Variants in CDH13 observed in about 807,000 individuals in gnomAD.
CDH13 encodes cadherin 13.
Under a neutral mutation model 63.8 loss-of-function variants are expected in CDH13, and 24 were observed. The observed-to-expected ratio is 0.38, with a 90% CI of 0.27 to 0.53. CDH13 has a LOEUF of 0.53. Ranked by LOEUF, CDH13 falls within the 20% of genes least tolerant of loss-of-function variation. The pLI is 0.85. For synonymous variants in CDH13, 503 were observed against 355.3 expected (o/e 1.42, Z -4.67); for missense variants, 1,049 against 903.1 (o/e 1.16, Z -2.07).
chr16:83,084,875 C>G (rs1340768784), intron 3 of CDH13, among the ~76,000 whole-genome samples: 1 of 152,124 alleles, frequency 6.6e-6, no homozygotes, highest in Non-Finnish European at 1.5e-5. Flanking sequence ...GCAATAAGCA[C>G]AAAACTTCAT....
At chr16:83,701,265 G>C (rs1298599948) in intron 10 of CDH13, among the ~76,000 whole-genome samples, 1 of 152,196 alleles carries the variant, frequency 6.6e-6, no homozygotes, top group Non-Finnish European at 1.5e-5. Flanking sequence ...TTTAGGAACA[G>C]AAAAAGCAAG....
intron 2 of CDH13, among the ~76,000 whole-genome samples, chr16:82,890,607 A>G (rs1597150586): frequency 6.6e-6 from 1 of 151,734 alleles, no homozygotes; most frequent in African/African-American, 2.4e-5. Flanking sequence ...TTGTTGTCCT[A>G]CATAGTCTTC....
At chr16:82,846,132 G>A (rs972532744) in intron 1 of CDH13, among the ~76,000 whole-genome samples, 2 of 152,154 alleles carry the variant, frequency 1.3e-5, no homozygotes, top group African/African-American at 4.8e-5. Context: ...TCTTGAACTG[G>A]CATGCTATGG....
rs1418413395 is a variant in CDH13 at position 83,252,569 on chromosome 16, A to G, written c.636+35072A>G. On this transcript the variant is annotated intron_variant, in intron 5 of 13. Coordinates refer to ENST00000567109, the MANE Select transcript of CDH13 (RefSeq NM_001257.5). Reference sequence around the variant, plus strand: ...GGGGGCTTAGGCTGAGCCAAGTGACATGTTGCAAGCAGTTGTATGATGTCA... The same window carrying G: ...GGGGGCTTAGGCTGAGCCAAGTGACGTGTTGCAAGCAGTTGTATGATGTCA... 3.3e-5 allele frequency among the ~76,000 whole-genome samples: 5 copies of G among 152,244 alleles called. No individual in the cohort carries two copies. The East Asian group carries it at 9.7e-4, about 29-fold the overall frequency.
chr16:83,790,810 G>C (rs891714074), intron 13 of CDH13, among the ~76,000 whole-genome samples: 17 of 152,316 alleles, frequency 1.1e-4, no homozygotes, highest in African/African-American at 3.6e-4. Context: ...AGCTGTTTCT[G>C]TGGTTTTTCT....
At chr16:83,006,707 C>A (rs915061280) in intron 2 of CDH13, among the ~76,000 whole-genome samples, 1 of 152,140 alleles carries the variant, frequency 6.6e-6, no homozygotes, top group Admixed American at 6.5e-5. Flanking sequence ...GGAGCCCTTA[C>A]TGATGTTTAA....
intron 1 of CDH13, among the ~76,000 whole-genome samples, chr16:82,836,256 C>T (rs2038763347): frequency 6.6e-6 from 1 of 152,128 alleles, no homozygotes; most frequent in Non-Finnish European, 1.5e-5. Flanking sequence ...TCAAGCGATT[C>T]TCCTCCCTTA....
At chr16:83,762,146 T>G (rs1348719827) in intron 11 of CDH13, among the ~76,000 whole-genome samples, 1 of 152,242 alleles carries the variant, frequency 6.6e-6, no homozygotes, top group Non-Finnish European at 1.5e-5. Context: ...GAAATGCTTT[T>G]GTTTTGCTAC....
At chr16:83,309,564 A>T (rs951234966) in intron 5 of CDH13, among the ~76,000 whole-genome samples, 3 of 151,886 alleles carry the variant, frequency 2.0e-5, no homozygotes, top group Non-Finnish European at 4.4e-5. Flanking sequence ...TTTAGTGAAG[A>T]TGGGGTTTCA....
intron 4 of CDH13, among the ~76,000 whole-genome samples, chr16:83,195,486 G>A (rs532349980): frequency 1.3e-5 from 2 of 152,182 alleles, no homozygotes; most frequent in South Asian, 4.2e-4. Flanking sequence ...TACAGGGCAG[G>A]AGCAGGACCA....
At chr16:82,999,015 C>T (rs1052250792) in intron 2 of CDH13, among the ~76,000 whole-genome samples, 3 of 152,090 alleles carry the variant, frequency 2.0e-5, no homozygotes, top group Admixed American at 6.6e-5. Flanking sequence ...CAAGAACATC[C>T]CTTCAGACAC....
chr16:83,148,216 A>T (rs1279833742), intron 4 of CDH13, among the ~76,000 whole-genome samples: 1 of 152,126 alleles, frequency 6.6e-6, no homozygotes, highest in Non-Finnish European at 1.5e-5. Flanking sequence ...GGGATTACAG[A>T]TGTGAGCCAC....
At chr16:83,495,742 C>G (rs1264808887) in intron 7 of CDH13, among the ~76,000 whole-genome samples, 4 of 152,042 alleles carry the variant, frequency 2.6e-5, no homozygotes, top group Non-Finnish European at 4.4e-5. Flanking sequence ...AATGAAAGCC[C>G]TCTTTTGAGA....
At chr16:83,581,686 G>C (rs977756596) in intron 7 of CDH13, among the ~76,000 whole-genome samples, 2 of 152,166 alleles carry the variant, frequency 1.3e-5, no homozygotes, top group African/African-American at 4.8e-5. Flanking sequence ...AGGCGTAGGG[G>C]TATGCCCTTG....
intron 5 of CDH13, among the ~76,000 whole-genome samples, chr16:83,343,435 G>A (rs200670534): frequency 6.6e-6 from 1 of 152,214 alleles, no homozygotes; most frequent in African/African-American, 2.4e-5. Flanking sequence ...AAATAACAAT[G>A]CAGTGAATAG....
At chr16:83,334,595 C>T (rs1298164290) in intron 5 of CDH13, among the ~76,000 whole-genome samples, 1 of 151,798 alleles carries the variant, frequency 6.6e-6, no homozygotes, top group Non-Finnish European at 1.5e-5. Flanking sequence ...AGGCTGGTCT[C>T]AAACTCCTGG....
intron 2 of CDH13, among the ~76,000 whole-genome samples, chr16:82,997,643 T>C (rs1452339596): frequency 6.6e-6 from 1 of 152,182 alleles, no homozygotes; most frequent in East Asian, 1.9e-4. Flanking sequence ...TTCTTATCCC[T>C]GTTCTATAGG....
chr16:82,888,982 C>T (rs1207730225), intron 2 of CDH13, among the ~76,000 whole-genome samples: 2 of 152,104 alleles, frequency 1.3e-5, no homozygotes, highest in Non-Finnish European at 2.9e-5. Flanking sequence ...TAATAGATTT[C>T]CTGAACTAAC....
intron 5 of CDH13, among the ~76,000 whole-genome samples, chr16:83,241,004 C>T (rs983601166): frequency 2.6e-5 from 4 of 152,174 alleles, no homozygotes; most frequent in Non-Finnish European, 5.9e-5. Context: ...ACCCTCTGAT[C>T]TTAGCAACCA....
Sources: gnomAD v4.1 joint callset for allele counts (sites outside exome capture counted in the v4.1 genomes callset) on GRCh38, gnomAD v4.1.1 for gene constraint, MANE v1.5 for transcripts, NCBI Gene and HGNC (gene_info 2026-07-23, HGNC 2026-07-21) for gene names.